Variants in TEX36 observed in about 807,000 individuals in gnomAD.
The protein encoded by TEX36 is testis expressed 36.
A neutral mutation model predicts 13.6 loss-of-function variants in TEX36; 12 were observed. The ratio of observed to expected loss-of-function variants is 0.88; its 90% CI spans 0.56 to 1.43. The LOEUF is 1.43. Ranked by LOEUF, TEX36 falls within the 40% of genes most tolerant of loss-of-function variation. The probability of loss-of-function intolerance (pLI) is 0.00; values close to 1 mark genes in which losing one functional copy is unlikely to be tolerated. For missense variants in TEX36, 224 were observed against 228.3 expected (o/e 0.98, Z 0.12); for synonymous variants, 93 against 83.0 (o/e 1.12, Z -0.65).
chr10:125,642,430 A>G (rs775883851), intron 3 of TEX36, among the ~76,000 whole-genome samples: 2 of 152,232 alleles, frequency 1.3e-5, no homozygotes, highest in African/African-American at 4.8e-5. Flanking sequence ...GAGAGAAGCT[A>G]CCAAGTTTCC....
At chr10:125,610,168 C>T (rs527969823) in intron 3 of TEX36, among the ~76,000 whole-genome samples, 1 of 152,314 alleles carries the variant, frequency 6.6e-6, no homozygotes, top group African/African-American at 2.4e-5. Context: ...AATAATCCAC[C>T]CCTCATTTAG....
intron 3 of TEX36, among the ~76,000 whole-genome samples, chr10:125,588,496 A>G (rs1845984536): frequency 1.3e-5 from 2 of 152,224 alleles, no homozygotes; most frequent in South Asian, 2.1e-4. Context: ...AGACCTCAGG[A>G]AGCTTCCACT....
chr10:125,624,626 G>A (rs1208118418), intron 3 of TEX36, among the ~76,000 whole-genome samples: 2 of 151,628 alleles, frequency 1.3e-5, no homozygotes, highest in Non-Finnish European at 2.9e-5. Flanking sequence ...TTGGAGGTGG[G>A]GAATGACCCT....
At chr10:125,595,527 C>G (rs1846071644) in intron 3 of TEX36, among the ~76,000 whole-genome samples, 1 of 152,204 alleles carries the variant, frequency 6.6e-6, no homozygotes, top group Admixed American at 6.5e-5. Context: ...CCGACCTGCT[C>G]AGTAGCCCCT....
chr10:125,649,898 GA>G (rs1846827255), intron 3 of TEX36, among the ~76,000 whole-genome samples: 1 of 152,212 alleles, frequency 6.6e-6, no homozygotes, highest in South Asian at 2.1e-4. Context: ...AAGAGACAAA[GA>G]AGGCCATTAC....
intron 1 of TEX36, among the ~76,000 whole-genome samples, chr10:125,668,974 C>T (rs551089430): frequency 3.9e-5 from 6 of 152,186 alleles, no homozygotes; most frequent in African/African-American, 1.4e-4. Flanking sequence ...ACCTGGCCAA[C>T]ATGGTGAAAC....
At chr10:125,663,987 G>A (rs896397836) in intron 1 of TEX36, among the ~76,000 whole-genome samples, 3 of 151,884 alleles carry the variant, frequency 2.0e-5, no homozygotes, top group Non-Finnish European at 4.4e-5. Context: ...CCATCCCCAT[G>A]TCCCTCACCA....
At chr10:125,602,651 TAA>T (rs959391294) in intron 3 of TEX36, among the ~76,000 whole-genome samples, 6 of 152,154 alleles carry the variant, frequency 3.9e-5, no homozygotes, top group Non-Finnish European at 8.8e-5. Flanking sequence ...CTCTGTGTCC[TAA>T]AGACACAAAT....
intron 3 of TEX36, among the ~76,000 whole-genome samples, chr10:125,607,538 G>C (rs1846229065): frequency 6.6e-6 from 1 of 152,164 alleles, no homozygotes; most frequent in Admixed American, 6.5e-5. Flanking sequence ...GATCCCAAGA[G>C]AACATGGGGA....
intron 1 of TEX36, among the ~76,000 whole-genome samples, chr10:125,679,144 C>A (rs1008561095): frequency 7.2e-6 from 1 of 139,380 alleles, no homozygotes; most frequent in East Asian, 2.3e-4. Flanking sequence ...GAGCACCCCC[C>A]CCGCCCCCGC....
At position 125,605,586 on chromosome 10, in the gene TEX36, GTTTATTTA is replaced by G. The variant is rs56727269; in HGVS notation, c.265-28720_265-28713del. On this transcript the variant is annotated intron_variant, in intron 3 of 3. Coordinates refer to the TEX36 transcript ENST00000532135. ...TGAAGAAACTTTCTGGGTCCAAGATGTTTATTTATTTATTTATTTATTTATTTATTTTT... is the reference window on the plus strand; with the variant it reads ...TGAAGAAACTTTCTGGGTCCAAGATGTTTATTTATTTATTTATTTATTTTT... 4.6e-5 allele frequency among the ~76,000 whole-genome samples: 7 copies of G among 151,396 alleles called. No individual in the cohort carries two copies. In the South Asian group the frequency reaches 8.4e-4, roughly 18 times the overall value.
At chr10:125,614,422 G>A (rs1353847781) in intron 3 of TEX36, among the ~76,000 whole-genome samples, 3 of 151,558 alleles carry the variant, frequency 2.0e-5, no homozygotes, top group Middle Eastern at 3.2e-3. Flanking sequence ...TAGGTCTAAC[G>A]TTTAAGTCTT....
intron 3 of TEX36, among the ~76,000 whole-genome samples, chr10:125,594,794 A>G (rs1846061871): frequency 6.6e-6 from 1 of 152,256 alleles, no homozygotes; most frequent in Non-Finnish European, 1.5e-5. Context: ...CACAAGTTAG[A>G]AAAAGAATAG....
rs78594300 is a variant in TEX36 at position 125,622,353 on chromosome 10, A to G, written c.265-708T>C. On this transcript the variant is annotated intron_variant, in intron 3 of 3. Transcript: ENST00000526819. The stretch of plus-strand genomic sequence containing the variant: ...AATAAAATGAAGATATTTCCTTAGT[A>G]CAGGTGTATACATGCACAAACATAT... Among the ~76,000 whole-genome samples the G allele has an allele frequency of 5.0e-4, 76 of 152,384 alleles. 2 individuals carry two copies. In the East Asian group the frequency reaches 0.014, roughly 28 times the overall value.
At chr10:125,614,296 T>A (rs1589755231) in intron 3 of TEX36, among the ~76,000 whole-genome samples, 1 of 152,348 alleles carries the variant, frequency 6.6e-6, no homozygotes, top group East Asian at 1.9e-4. Context: ...TTAGATCCCA[T>A]TTGTCAATTT....
intron 3 of TEX36, among the ~76,000 whole-genome samples, chr10:125,640,995 A>G (rs2133575348): frequency 6.7e-6 from 1 of 148,642 alleles, no homozygotes; most frequent in East Asian, 2.0e-4. Flanking sequence ...AATCTTCAAT[A>G]TGGGACCAAT....
downstream of TEX36, among the ~76,000 whole-genome samples, chr10:125,651,389 C>CA (rs1846853826): frequency 6.6e-6 from 1 of 152,178 alleles, no homozygotes; most frequent in Admixed American, 6.5e-5. Context: ...AAACCAAAGA[C>CA]AAAAACCACA....
intron 3 of TEX36, among the ~76,000 whole-genome samples, chr10:125,598,128 T>C (rs956961299): frequency 6.6e-6 from 1 of 152,100 alleles, no homozygotes; most frequent in Non-Finnish European, 1.5e-5. Context: ...CCTGCAAATA[T>C]GATTCTAGCC....
chr10:125,581,430 G>A (rs1449292380), intron 3 of TEX36, among the ~76,000 whole-genome samples: 1 of 152,044 alleles, frequency 6.6e-6, no homozygotes, highest in African/African-American at 2.4e-5. Context: ...CTCGCCCCTC[G>A]GGCACATCCT....
Sources: gnomAD v4.1 joint callset for allele counts (sites outside exome capture counted in the v4.1 genomes callset) on GRCh38, gnomAD v4.1.1 for gene constraint, MANE v1.5 for transcripts, NCBI Gene and HGNC (gene_info 2026-07-23, HGNC 2026-07-21) for gene names.